The following KCNAB1 variants were observed in gnomAD, a reference collection of about 807,000 sequenced individuals.
The protein encoded by KCNAB1 is voltage-gated potassium channel subunit beta-1.
A neutral mutation model predicts 64.6 loss-of-function variants in KCNAB1; 35 were observed. The ratio of observed to expected loss-of-function variants is 0.54; its 90% CI spans 0.41 to 0.72. KCNAB1 has a LOEUF of 0.72. Ranked by LOEUF, KCNAB1 falls within the 30% of genes least tolerant of loss-of-function variation. The pLI is 0.00. For missense variants in KCNAB1, 401 were observed against 512.9 expected, an observed-to-expected ratio of 0.78 and a Z score of 2.11; for synonymous variants, 177 against 183.8, an observed-to-expected ratio of 0.96 and a Z score of 0.30.
intron 1 of KCNAB1, among the ~76,000 whole-genome samples, chr3:156,180,491 ATGCC>A (rs985076924): frequency 1.3e-5 from 2 of 152,210 alleles, no homozygotes; most frequent in African/African-American, 4.8e-5. Context: ...TATCAGGAAA[ATGCC>A]TGGTACCTGG....
intron 1 of KCNAB1, among the ~76,000 whole-genome samples, chr3:156,312,703 C>CAAAAAAAAAAAAAAAAAAAAA (rs397991453): frequency 7.3e-5 from 2 of 27,424 alleles, no homozygotes; most frequent in African/African-American, 1.2e-4. Flanking sequence ...AGACTGTCTC[C>CAAAAAAAAAAAAAAAAAAAAA]AAAAAAAAAA....
chr3:156,291,069 C>G, intron 1 of KCNAB1: 1 of 985,616 alleles, frequency 1.0e-6, no homozygotes, highest in Non-Finnish European at 1.2e-6. Flanking sequence ...CAGATTTGGT[C>G]TGAGTCTGGG....
chr3:156,300,162 A>G (rs927323459), intron 1 of KCNAB1, among the ~76,000 whole-genome samples: 3 of 152,168 alleles, frequency 2.0e-5, no homozygotes, highest in Non-Finnish European at 4.4e-5. Flanking sequence ...GCACCTGTTC[A>G]TCAGATCTGG....
chr3:156,216,195 A>C (rs1715308717), intron 1 of KCNAB1, among the ~76,000 whole-genome samples: 1 of 152,242 alleles, frequency 6.6e-6, no homozygotes, highest in Non-Finnish European at 1.5e-5. Context: ...GAATTTGATT[A>C]ACTAAGGATG....
intron 1 of KCNAB1, among the ~76,000 whole-genome samples, chr3:156,296,445 C>T (rs973697978): frequency 8.8e-5 from 13 of 148,494 alleles, no homozygotes; most frequent in Non-Finnish European, 1.6e-4. Flanking sequence ...CTTTAAATTC[C>T]ACTAAAAACT....
chr3:156,413,523 T>C (rs577861767), intron 1 of KCNAB1, among the ~76,000 whole-genome samples: 1 of 152,318 alleles, frequency 6.6e-6, no homozygotes, highest in Non-Finnish European at 1.5e-5. Context: ...GTAGTTTCTA[T>C]TATTATCCCC....
chr3:156,335,369 C>G (rs554079719), intron 1 of KCNAB1, among the ~76,000 whole-genome samples: 1 of 152,308 alleles, frequency 6.6e-6, no homozygotes, highest in South Asian at 2.1e-4. Context: ...GCTACTCCCT[C>G]TTTGAGTCAC....
chr3:156,335,977 T>C (rs1270322269), intron 1 of KCNAB1, among the ~76,000 whole-genome samples: 1 of 152,134 alleles, frequency 6.6e-6, no homozygotes, highest in Non-Finnish European at 1.5e-5. Context: ...TGTGGTTATC[T>C]ACTTGGGAGT....
At chr3:156,517,817 G>A (rs1479364687) in intron 11 of KCNAB1, among the ~76,000 whole-genome samples, 1 of 152,224 alleles carries the variant, frequency 6.6e-6, no homozygotes, top group Non-Finnish European at 1.5e-5. Context: ...ATAACCTGCT[G>A]AGAGGCAGAC....
chr3:156,213,307 T>G (rs1715129707), intron 1 of KCNAB1, among the ~76,000 whole-genome samples: 1 of 151,322 alleles, frequency 6.6e-6, no homozygotes, highest in African/African-American at 2.4e-5. Context: ...CAGCCTCAAA[T>G]TTTTGGGCTC....
intron 1 of KCNAB1, chr3:156,292,172 T>C (rs1281999882): frequency 1.2e-6 from 2 of 1,601,258 alleles, no homozygotes; most frequent in South Asian, 1.1e-5. Context: ...CCAGGTTCTA[T>C]ACAGGTGCAG....
chr3:156,516,074 GC>G (rs1373994487), intron 10 of KCNAB1, among the ~76,000 whole-genome samples, 195 bp from the exon 11 acceptor site: 1 of 147,432 alleles, frequency 6.8e-6, no homozygotes, highest in African/African-American at 2.7e-5. Flanking sequence ...TGTTTAATTG[GC>G]TGATTAAAGA....
chr3:156,371,199 C>G (rs1429811586), intron 1 of KCNAB1, among the ~76,000 whole-genome samples: 1 of 152,144 alleles, frequency 6.6e-6, no homozygotes, highest in Admixed American at 6.5e-5. Flanking sequence ...ACCATCTGCC[C>G]TCAAGGGGTC....
intron 1 of KCNAB1, among the ~76,000 whole-genome samples, chr3:156,224,277 A>C (rs1480321080): frequency 6.6e-6 from 1 of 152,184 alleles, no homozygotes; most frequent in African/African-American, 2.4e-5. Flanking sequence ...CAAGCACCGC[A>C]CGCAGCCCCG....
intron 2 of KCNAB1, among the ~76,000 whole-genome samples, chr3:156,426,452 C>T (rs762344941): frequency 3.3e-5 from 5 of 152,208 alleles, no homozygotes; most frequent in Non-Finnish European, 5.9e-5. Flanking sequence ...ACATTTGTTA[C>T]CTCTGATGAA....
At chr3:156,245,973 G>GT (rs1717427013) in intron 1 of KCNAB1, among the ~76,000 whole-genome samples, 2 of 50,508 alleles carry the variant, frequency 4.0e-5, no homozygotes, top group South Asian at 2.0e-3. Flanking sequence ...ATCAATATTG[G>GT]TAAAAAAAAA....
chr3:156,528,883 T>TC lies in KCNAB1; in HGVS notation c.1082-2526_1082-2525insC, dbSNP rs560581781. 7.9e-5 allele frequency among the ~76,000 whole-genome samples: 12 copies of TC among 152,132 alleles called. No individual in the cohort carries two copies. The East Asian group carries it at 2.3e-3, about 29-fold the overall frequency. Reference sequence around the variant, plus strand: ...GAACCTCATCTTACAGGACAATGAGTTATGTCAGGCACTAGCTAGGGAAGT... The same window carrying TC: ...GAACCTCATCTTACAGGACAATGAGTCTATGTCAGGCACTAGCTAGGGAAGT... On this transcript the variant is annotated intron_variant, in intron 12 of 13. Transcript: ENST00000490337.
chr3:156,179,207 T>A (rs1299777070), intron 1 of KCNAB1, among the ~76,000 whole-genome samples: 1 of 152,002 alleles, frequency 6.6e-6, no homozygotes, highest in South Asian at 2.1e-4. Context: ...ATTATGTGCT[T>A]GACACAGTTG....
intron 11 of KCNAB1, among the ~76,000 whole-genome samples, chr3:156,520,255 A>G (rs1011807269): frequency 6.6e-6 from 1 of 152,244 alleles, no homozygotes; most frequent in African/African-American, 2.4e-5. Context: ...ATTTATTGGC[A>G]GCTCCTCCCT....
Sources: allele counts gnomAD v4.1 joint callset (sites outside exome capture counted in the v4.1 genomes callset), GRCh38; gene constraint gnomAD v4.1.1; transcripts MANE v1.5; gene names NCBI Gene and HGNC (gene_info 2026-07-23, HGNC 2026-07-21).